The following ANO1 variants were observed in gnomAD, a reference collection of about 807,000 sequenced individuals.
ANO1 encodes the protein anoctamin 1.
ANO1 carries 59 observed loss-of-function variants against 124.0 expected under a neutral mutation model. The ratio of observed to expected loss-of-function variants is 0.48; its 90% confidence interval spans 0.39 to 0.59. The LOEUF (loss-of-function observed/expected upper bound fraction) is 0.59. ANO1 is among the 20% of genes least tolerant of loss of function. ANO1 has a pLI of 0.00. For synonymous variants in ANO1, 529 were observed against 532.0 expected (o/e 0.99, Z 0.08); for missense variants, 1,059 against 1,328.0 (o/e 0.80, Z 3.15).
chr11:70,188,015 G>T lies in ANO1; in HGVS notation c.*11G>T. The T allele has an allele frequency of 6.4e-7, 1 of 1,551,826 alleles. No homozygotes were observed. Among genetic ancestry groups the T allele is most frequent in the Non-Finnish European group, 8.7e-7 (1 of 1,148,982 alleles). ...GGGGGCGTCCTGTAGCTATGCCAGC[G>T]GGGCTGGGCAGGCCAGCCGGGCATC... is the stretch of plus-strand genomic sequence containing the variant. On this transcript the variant is annotated 3_prime_UTR_variant, in exon 26 of 26. Coordinates refer to ENST00000355303, the MANE Select transcript of ANO1 (RefSeq NM_018043.7).
intron 4 of ANO1, among the ~76,000 whole-genome samples, chr11:70,105,410 G>T (rs1005906501): frequency 6.8e-6 from 1 of 146,952 alleles, no homozygotes; most frequent in African/African-American, 2.5e-5. Context: ...TTTCAAAACT[G>T]CCCACTGAGG....
rs115082241 is a variant in ANO1 at position 70,172,526 on chromosome 11, T to C, written c.2350+1487T>C. ...AAATAAAGATTCCATACCAGCTTGA[T>C]AAGATAGCTTTGGGTTGAGCTTTTG... On this transcript the variant is annotated intron_variant, in intron 22 of 25. Coordinates refer to ENST00000355303, the MANE Select transcript of ANO1 (RefSeq NM_018043.7). Among the ~76,000 whole-genome samples the C allele has an allele frequency of 3.6e-3, 546 of 152,336 alleles. 3 individuals carry two copies. Among genetic ancestry groups the C allele is most frequent in the African/African-American group, 0.013 (527 of 41,578 alleles).
At chr11:70,080,782 C>T (rs1025332833) in intron 1 of ANO1, among the ~76,000 whole-genome samples, 1 of 152,192 alleles carries the variant, frequency 6.6e-6, no homozygotes, top group Admixed American at 6.5e-5. Flanking sequence ...GAATCAGAGG[C>T]GCGCGCTGTG....
chr11:70,159,646 TGCAGG>T (rs1348799248), intron 16 of ANO1, among the ~76,000 whole-genome samples: 1 of 152,234 alleles, frequency 6.6e-6, no homozygotes, highest in African/African-American at 2.4e-5. Flanking sequence ...GGGAGCCTGC[TGCAGG>T]GCGTGCCTGT....
At chr11:70,177,676 T>C (rs554451641) in intron 22 of ANO1, among the ~76,000 whole-genome samples, 16 of 134,580 alleles carry the variant, frequency 1.2e-4, no homozygotes, top group Non-Finnish European at 2.2e-4. Context: ...CTCGGCTCAC[T>C]GCAACCTCCG....
chr11:70,185,936 C>T (rs1262531052), intron 25 of ANO1, among the ~76,000 whole-genome samples: 2 of 152,156 alleles, frequency 1.3e-5, no homozygotes, highest in Non-Finnish European at 2.9e-5. Context: ...CGGATGAGCA[C>T]CGGCAGAAGG....
chr11:69,992,336 A>G (rs1364938321), intron 1 of ANO1, among the ~76,000 whole-genome samples: 1 of 152,192 alleles, frequency 6.6e-6, no homozygotes, highest in Non-Finnish European at 1.5e-5. Context: ...TTGACAACTC[A>G]TTTTGTTCTA....
intron 1 of ANO1, chr11:70,085,284 C>T: frequency 8.6e-7 from 1 of 1,157,120 alleles, no homozygotes; most frequent in African/African-American, 1.6e-5. Flanking sequence ...GCATGGGAAC[C>T]CACTGCCCTC....
intron 22 of ANO1, among the ~76,000 whole-genome samples, chr11:70,179,777 CT>C (rs1343364544): frequency 6.6e-6 from 1 of 152,186 alleles, no homozygotes; most frequent in Non-Finnish European, 1.5e-5. Flanking sequence ...TTAAGCACCT[CT>C]TTTAGAAGCT....
chr11:70,180,139 G>A, intron 23 of ANO1, 83 bp downstream of exon 23: 2 of 1,298,214 alleles, frequency 1.5e-6, no homozygotes. Flanking sequence ...AAGGAGCTGG[G>A]CATGGGTCTT....
chr11:70,126,334 G>A (rs962316811), intron 10 of ANO1, 139 bp downstream of exon 10: 24 of 1,150,550 alleles, frequency 2.1e-5, no homozygotes, highest in East Asian at 1.1e-4. Flanking sequence ...GCCACGAGCC[G>A]TCAGGAGGAA....
intron 11 of ANO1, among the ~76,000 whole-genome samples, chr11:70,136,467 G>A (rs2135548411): frequency 8.4e-6 from 1 of 118,506 alleles, no homozygotes; most frequent in East Asian, 2.7e-4. Context: ...CCTGGCCTCA[G>A]TCCTGATTTA....
intron 1 of ANO1, among the ~76,000 whole-genome samples, chr11:70,035,030 TG>T (rs1555004214): frequency 6.6e-6 from 1 of 151,940 alleles, no homozygotes; most frequent in Non-Finnish European, 1.5e-5. Context: ...GGGGACCCCA[TG>T]GGACTCGGTG....
chr11:70,164,417 T>C (rs1240856899), intron 19 of ANO1, among the ~76,000 whole-genome samples: 1 of 152,202 alleles, frequency 6.6e-6, no homozygotes, highest in East Asian at 1.9e-4. Context: ...TCCACAGTAA[T>C]GGGCATCTGC....
rs2048417067 is a variant in ANO1, at chr11:70,170,430, A to C, written c.2198-457A>C. Among the ~76,000 whole-genome samples the C allele has an allele frequency of 2.0e-5, 3 of 152,182 alleles. No homozygotes were observed. In the South Asian group the frequency reaches 6.2e-4, roughly 32 times the overall value. On this transcript the variant is annotated intron_variant, in intron 21 of 25. Transcript: ENST00000355303. ...AACATAGCAAAATCCCAGCTCTACA[A>C]AAAATACAAAAATTAAGCAGTCATA...
chr11:69,970,477 C>T, the ANO1 span, among the ~76,000 whole-genome samples: 15 of 152,292 alleles, frequency 9.8e-5, no homozygotes, highest in Admixed American at 2.6e-4. Context: ...ACTGTGGTCC[C>T]GACCAGCACG....
At chr11:70,122,586 CCTCT>C (rs1565223106) in intron 8 of ANO1, among the ~76,000 whole-genome samples, 1 of 151,220 alleles carries the variant, frequency 6.6e-6, no homozygotes, top group Admixed American at 6.6e-5. Context: ...CACCTCCCCA[CCTCT>C]CTCTGTCTCT....
chr11:70,039,426 T>A (rs144396496), intron 1 of ANO1, among the ~76,000 whole-genome samples: 1 of 152,240 alleles, frequency 6.6e-6, no homozygotes, highest in Non-Finnish European at 1.5e-5. Flanking sequence ...TCCTCAATTA[T>A]GCCCTATGCT....
chr11:70,148,235 C>T (rs1026857446), intron 11 of ANO1, among the ~76,000 whole-genome samples: 4 of 152,258 alleles, frequency 2.6e-5, no homozygotes, highest in South Asian at 2.1e-4. Context: ...TGCTGCTTCT[C>T]GGAGAAGCCA....
Sources: gnomAD v4.1 joint callset for allele counts (sites outside exome capture counted in the v4.1 genomes callset) on GRCh38, gnomAD v4.1.1 for gene constraint, MANE v1.5 for transcripts, NCBI Gene and HGNC (gene_info 2026-07-23, HGNC 2026-07-21) for gene names.